The following DMD variants were observed in gnomAD, a reference collection of about 807,000 sequenced individuals.
DMD encodes mutant dystrophin.
DMD carries 63 observed loss-of-function variants against 330.1 expected under a neutral mutation model. The ratio of observed to expected loss-of-function variants is 0.19; its 90% CI spans 0.16 to 0.24. The LOEUF is 0.24. DMD is among the 10% of genes least tolerant of loss of function. DMD has a pLI of 1.00. For missense variants in DMD, 3,344 were observed against 2,684.1 expected (o/e 1.25, Z -5.43); for synonymous variants, 1,223 against 959.8 (o/e 1.27, Z -5.07).
intron 1 of DMD, among the ~76,000 whole-genome samples, chrX:33,234,255 C>T (rs2052437724): frequency 8.9e-6 from 1 of 111,785 alleles, no homozygotes; most frequent in Non-Finnish European, 1.9e-5. Flanking sequence ...AAATTCTAAG[C>T]TACCAATAGA....
intron 1 of DMD, among the ~76,000 whole-genome samples, chrX:33,118,014 T>C (rs943505795): frequency 2.7e-5 from 3 of 111,375 alleles, no homozygotes; most frequent in African/African-American, 6.5e-5. Context: ...GGAAAAAGCA[T>C]GCCTGATTCC....
chrX:31,300,145 C>T (rs1391391280), intron 62 of DMD, among the ~76,000 whole-genome samples: 2 of 111,841 alleles, frequency 1.8e-5, no homozygotes, highest in Non-Finnish European at 3.8e-5. Context: ...ATTTTATTTT[C>T]GATGCTCTAC....
chrX:32,838,798 G>A (rs971401211), intron 4 of DMD, among the ~76,000 whole-genome samples: 6 of 112,124 alleles, frequency 5.4e-5, no homozygotes, highest in African/African-American at 1.9e-4. Flanking sequence ...AGAATATGGA[G>A]AAATAGGAAT....
intron 47 of DMD, among the ~76,000 whole-genome samples, chrX:31,902,390 C>G (rs760081101): frequency 9.0e-6 from 1 of 111,731 alleles, no homozygotes; most frequent in South Asian, 3.7e-4. Flanking sequence ...CAGTTAACCT[C>G]GCTGAACCTG....
intron 16 of DMD, among the ~76,000 whole-genome samples, chrX:32,546,878 T>C (rs1028713267): frequency 2.7e-5 from 3 of 111,585 alleles, no homozygotes; most frequent in Non-Finnish European, 5.7e-5. Flanking sequence ...ACTCAAACAT[T>C]GCACCCAACA....
At chrX:32,405,931 G>A (rs1019325004) in intron 30 of DMD, among the ~76,000 whole-genome samples, 4 of 111,060 alleles carry the variant, frequency 3.6e-5, no homozygotes, top group African/African-American at 1.3e-4. Context: ...ATTTCATTGA[G>A]CAGTGGTTTG....
intron 21 of DMD, among the ~76,000 whole-genome samples, chrX:32,479,862 T>A (rs1170152399): frequency 9.1e-6 from 1 of 110,404 alleles, no homozygotes; most frequent in African/African-American, 3.3e-5. Context: ...TTATGAATAA[T>A]GCTCAAATGG....
chrX:32,950,956 C>A (rs766585991), intron 2 of DMD, among the ~76,000 whole-genome samples: 1 of 111,282 alleles, frequency 9.0e-6, no homozygotes, highest in Non-Finnish European at 1.9e-5. Flanking sequence ...TTGTCCAATT[C>A]GCAGGTGGTA....
At chrX:32,987,942 A>G (rs1401289768) in intron 2 of DMD, among the ~76,000 whole-genome samples, 1 of 110,339 alleles carries the variant, frequency 9.1e-6, no homozygotes, top group Non-Finnish European at 1.9e-5. Flanking sequence ...ATGATAAAAA[A>G]TGATTAACAA....
Position 33,027,724 on chromosome X carries a change from G to A in DMD, c.32-7524C>T, listed in dbSNP as rs140140191. ...TGCCTGATGAAGAAACTACAGTCAT[G>A]TGACAATCATATATTAAGGAAACTA... On this transcript the variant is annotated intron_variant, in intron 1 of 78. Transcript: ENST00000357033. Among the ~76,000 whole-genome samples the A allele has an allele frequency of 2.6e-3, 290 of 111,591 alleles. 3 individuals carry two copies. The highest frequency in any genetic ancestry group is 3.7e-3 in the Admixed American group (39 of 10,486).
chrX:32,515,149 T>A (rs969666165), intron 18 of DMD, among the ~76,000 whole-genome samples: 12 of 111,216 alleles, frequency 1.1e-4, no homozygotes, highest in African/African-American at 3.6e-4. Flanking sequence ...GGTTTCCACG[T>A]ATGAGTAGAA....
chrX:33,236,235 C>G (rs2052479268), intron 1 of DMD, among the ~76,000 whole-genome samples: 1 of 104,969 alleles, frequency 9.5e-6, no homozygotes, highest in Non-Finnish European at 1.9e-5. Context: ...TTAAGCAAAA[C>G]GAGTGCCAAT....
At chrX:33,246,178 C>T (rs1045424797) in intron 1 of DMD, among the ~76,000 whole-genome samples, 1 of 111,963 alleles carries the variant, frequency 8.9e-6, no homozygotes. Flanking sequence ...ACTTGTTTCA[C>T]TGATCAAATG....
intron 65 of DMD, 38 bp from the exon 66 acceptor site, chrX:31,206,705 C>A (rs1289907420): frequency 9.1e-7 from 1 of 1,101,661 alleles, no homozygotes; most frequent in Non-Finnish European, 1.3e-6. Flanking sequence ...AATTACTGAC[C>A]CTTTCCTAGA....
intron 2 of DMD, among the ~76,000 whole-genome samples, chrX:32,930,615 G>A (rs2089497980): frequency 9.1e-6 from 1 of 110,043 alleles, no homozygotes; most frequent in Non-Finnish European, 1.9e-5. Context: ...GAAACATATA[G>A]CTACCCATTG....
At chrX:32,332,200 T>A (rs1012633042) in intron 41 of DMD, among the ~76,000 whole-genome samples, 10 of 111,688 alleles carry the variant, frequency 9.0e-5, no homozygotes, top group Non-Finnish European at 1.9e-4. Context: ...ATTTTATGAA[T>A]TAAACAAATA....
chrX:32,615,397 G>A (rs1322096423), intron 11 of DMD, among the ~76,000 whole-genome samples: 1 of 110,993 alleles, frequency 9.0e-6, no homozygotes, highest in Non-Finnish European at 1.9e-5. Flanking sequence ...TCAGGGACAT[G>A]GGATAATGTT....
chrX:32,159,230 T>C (rs1352843363), intron 44 of DMD, among the ~76,000 whole-genome samples: 1 of 112,117 alleles, frequency 8.9e-6, no homozygotes, highest in Non-Finnish European at 1.9e-5. Context: ...AATTTAACTT[T>C]GTCTTATCAA....
intron 60 of DMD, among the ~76,000 whole-genome samples, chrX:31,384,461 G>A (rs550976027): frequency 1.1e-4 from 12 of 111,673 alleles, no homozygotes; most frequent in African/African-American, 3.6e-4. Flanking sequence ...AATTCATGGT[G>A]AAGTACATGT....
Sources: gnomAD v4.1 joint callset for allele counts (sites outside exome capture counted in the v4.1 genomes callset) on GRCh38, gnomAD v4.1.1 for gene constraint, MANE v1.5 for transcripts, NCBI Gene and HGNC (gene_info 2026-07-23, HGNC 2026-07-21) for gene names.